The following FBXO32 variants were observed in gnomAD, a reference collection of about 807,000 sequenced individuals.
FBXO32 encodes F-box only protein 32.
FBXO32 carries 15 observed loss-of-function variants against 48.3 expected under a neutral mutation model. That is an observed-to-expected ratio of 0.31 (90% CI 0.21 to 0.48). The LOEUF (loss-of-function observed/expected upper bound fraction) is 0.48, where lower values mean the gene tolerates loss of function less well. Among genes scored for constraint, FBXO32 ranks in the 20% least tolerant of loss-of-function variants. The probability of loss-of-function intolerance (pLI) is 0.99; values close to 1 mark genes in which losing one functional copy is unlikely to be tolerated. For synonymous variants in FBXO32, 154 were observed against 165.9 expected (o/e 0.93, Z 0.55); for missense variants, 309 against 432.7 (o/e 0.71, Z 2.54).
chr8:123,513,171 G>T lies in FBXO32; in HGVS notation c.651+27C>A, dbSNP rs375536292. 34 of 1,612,924 alleles carry T rather than the reference G, an allele frequency of 2.1e-5. No individual in the cohort carries two copies. The highest frequency in any genetic ancestry group is 2.8e-5 in the Non-Finnish European group (33 of 1,179,226). ...TATCCCTGTGGAGGGACCCACTGCC[G>T]GGAGGAGGCTGGGCCTGCCCGCTTA... On this transcript the variant is annotated intron_variant, in intron 6 of 8. Transcript: ENST00000517956. The surrounding 1 kb of genome is among the most constrained non-coding windows in gnomAD (Gnocchi z 4.3).
chr8:123,539,018 T>C (rs761810881), intron 1 of FBXO32, among the ~76,000 whole-genome samples: 17 of 152,188 alleles, frequency 1.1e-4, no homozygotes, highest in Non-Finnish European at 1.8e-4. Context: ...TTTTTATTTA[T>C]TTTTAGAGAC....
rs143932537 is a variant in FBXO32 at position 123,506,255 on chromosome 8, A to G, written c.834+137T>C. 27 of 951,538 alleles carry G rather than the reference A, an allele frequency of 2.8e-5. No homozygotes were observed. The African/African-American group carries it at 3.5e-4, about 12-fold the overall frequency. The allele number at this position is 951,538 out of a possible 1,614,324, so 58.9% of individuals were successfully genotyped here. Reference sequence around the variant, plus strand: ...AAAAACAAAATCACAAAACTCCTTCAACTGTCATTTTTCAGTCAAACCAGG... The same window carrying G: ...AAAAACAAAATCACAAAACTCCTTCGACTGTCATTTTTCAGTCAAACCAGG... On this transcript the variant is annotated intron_variant, in intron 7 of 8. Transcript: ENST00000517956. This position sits in a 1 kb window ranked among gnomAD's most constrained non-coding sequence, Gnocchi z 4.0.
chr8:123,531,464 A>G (rs1459883353), intron 4 of FBXO32, among the ~76,000 whole-genome samples: 1 of 152,228 alleles, frequency 6.6e-6, no homozygotes, highest in African/African-American at 2.4e-5. Flanking sequence ...GGAGACAGTG[A>G]GAACAGTCAG....
rs1816407247 is a variant in FBXO32, at chr8:123,498,552, T to C, written c.*4821A>G. 6.6e-6 allele frequency: 1 copy of C among 152,220 alleles called. No individual in the cohort carries two copies. The highest frequency in any genetic ancestry group is 1.5e-5 in the Non-Finnish European group (1 of 68,038). The allele number at this position is 152,220 out of a possible 1,614,324, so 9.4% of individuals were successfully genotyped here. A position where few individuals can be genotyped will look rare whatever the true frequency, so the allele number is the denominator to read the frequency against. On this transcript the variant is annotated 3_prime_UTR_variant, in exon 9 of 9. Transcript: ENST00000517956. ...CATGGAATAATCCCCCTTTGCTTAG[T>C]AAAAGATGAAGTTTAGTGGAGAATG... is the stretch of plus-strand genomic sequence containing the variant.
rs1816628590 is a variant in FBXO32, at chr8:123,506,606, G to A, written c.652-32C>T. ...AGAGAAGGGTGACAATAGGTGGGGG[G>A]GCCAGAGAGCAGCGATTCACCAGGC... On this transcript the variant is annotated intron_variant, in intron 6 of 8. Coordinates refer to ENST00000517956, the MANE Select transcript of FBXO32 (RefSeq NM_058229.4). This position sits in a 1 kb window ranked among gnomAD's most constrained non-coding sequence, Gnocchi z 4.0. 1 of 1,548,136 alleles carries A rather than the reference G, an allele frequency of 6.5e-7. No individual in the cohort carries two copies. The highest frequency in any genetic ancestry group is 1.8e-5 in the Admixed American group (1 of 54,636).
intron 6 of FBXO32, among the ~76,000 whole-genome samples, chr8:123,510,472 G>A (rs1387808583): frequency 6.6e-6 from 1 of 152,140 alleles, no homozygotes; most frequent in African/African-American, 2.4e-5. Context: ...AATTAGCCGG[G>A]TGTGGTGGTG....
rs1444438556 is a variant in FBXO32, at chr8:123,540,087, G to A, written c.116+812C>T. On this transcript the variant is annotated intron_variant, in intron 1 of 8. Transcript: ENST00000517956. The surrounding 1 kb of genome is among the most constrained non-coding windows in gnomAD (Gnocchi z 6.4). ...CGCCAGACCACAGAGCTCAGGTGAG[G>A]CCTCGAATCCAGAGGCTCACCGGGG... 6.6e-6 allele frequency among the ~76,000 whole-genome samples: 1 copy of A among 152,200 alleles called. No individual in the cohort carries two copies. The highest frequency in any genetic ancestry group is 2.4e-5 in the African/African-American group (1 of 41,442).
chr8:123,521,393 T>C (rs539633654), intron 4 of FBXO32, among the ~76,000 whole-genome samples: 5 of 152,250 alleles, frequency 3.3e-5, no homozygotes, highest in Admixed American at 6.5e-5. Flanking sequence ...AGGTCAATGG[T>C]GGACCATCTG....
chr8:123,531,720 A>T (rs1184490046), intron 4 of FBXO32, among the ~76,000 whole-genome samples, 178 bp downstream of exon 4: 1 of 152,170 alleles, frequency 6.6e-6, no homozygotes, highest in Non-Finnish European at 1.5e-5. Flanking sequence ...AGTAGGACTC[A>T]CTTAAGAACT....
At chr8:123,511,319 A>G (rs1816729326) in intron 6 of FBXO32, among the ~76,000 whole-genome samples, 1 of 152,150 alleles carries the variant, frequency 6.6e-6, no homozygotes, top group Admixed American at 6.5e-5. Context: ...TACAATAGCT[A>G]GCTCCGAAGA....
chr8:123,507,105 C>G (rs1046586528), intron 6 of FBXO32, among the ~76,000 whole-genome samples: 2 of 152,196 alleles, frequency 1.3e-5, no homozygotes, highest in Non-Finnish European at 2.9e-5. Context: ...CCAGTTCAAA[C>G]CTACTTCCTC....
intron 3 of FBXO32, among the ~76,000 whole-genome samples, chr8:123,532,476 G>A (rs1817230092): frequency 6.6e-6 from 1 of 152,096 alleles, no homozygotes; most frequent in South Asian, 2.1e-4. Flanking sequence ...AAGGTTTTGG[G>A]AGGAAGCAAA....
At position 123,540,408 on chromosome 8, in the gene FBXO32, C is replaced by T. The variant is rs2130568189; in HGVS notation, c.116+491G>A. ...GTGGTTGCCCGTGCCTGGGCAGGGC[C>T]TGGAAGCGCTCCAGGCGGGACCTTC... On this transcript the variant is annotated intron_variant, in intron 1 of 8. Transcript: ENST00000517956. The surrounding 1 kb of genome is among the most constrained non-coding windows in gnomAD (Gnocchi z 6.4). 6.6e-6 allele frequency among the ~76,000 whole-genome samples: 1 copy of T among 152,350 alleles called. No individual in the cohort carries two copies. The highest frequency in any genetic ancestry group is 2.1e-4 in the South Asian group (1 of 4,830).
chr8:123,527,234 C>T (rs1449934856), intron 4 of FBXO32: 2 of 152,226 alleles, frequency 1.3e-5, no homozygotes, highest in Non-Finnish European at 2.9e-5. Flanking sequence ...ATCTATTTCC[C>T]TCACTGGCTA....
In FBXO32 at chr8:123,528,314, T is replaced by C. The variant is rs544237732; in HGVS notation, c.372+3584A>G. On this transcript the variant is annotated intron_variant, in intron 4 of 8. Coordinates refer to ENST00000517956, the MANE Select transcript of FBXO32 (RefSeq NM_058229.4). Reference sequence around the variant, plus strand: ...GATGCCCAAGACTCACTCGATCCTCTGACCTCTCTGTGGCCTGGTTAGTCA... The same window carrying C: ...GATGCCCAAGACTCACTCGATCCTCCGACCTCTCTGTGGCCTGGTTAGTCA... Among the ~76,000 whole-genome samples, 3 of 152,350 alleles carry C rather than the reference T, an allele frequency of 2.0e-5. No individual in the cohort carries two copies. In the East Asian group the frequency reaches 5.8e-4, roughly 29 times the overall value.
chr8:123,514,361 C>T lies in FBXO32; in HGVS notation c.373-28G>A, dbSNP rs768759711. 4 of 1,581,180 alleles carry T rather than the reference C, an allele frequency of 2.5e-6. No homozygotes were observed. In the South Asian group the frequency reaches 3.4e-5, roughly 13 times the overall value. On this transcript the variant is annotated intron_variant, in intron 4 of 8. Coordinates refer to ENST00000517956, the MANE Select transcript of FBXO32 (RefSeq NM_058229.4). ...GAGGATAAAAATAGAAGTTGCCAGGCTTAGAGTACAGAGATATTTTTCTCC... is the reference window on the plus strand; with the variant it reads ...GAGGATAAAAATAGAAGTTGCCAGGTTTAGAGTACAGAGATATTTTTCTCC...
chr8:123,538,578 A>T (rs894353063), intron 1 of FBXO32, among the ~76,000 whole-genome samples: 1 of 152,190 alleles, frequency 6.6e-6, no homozygotes, highest in Admixed American at 6.5e-5. Flanking sequence ...CAGAAGGCCA[A>T]CTGCTTTTAA....
intron 4 of FBXO32, among the ~76,000 whole-genome samples, chr8:123,521,224 T>C (rs1214743051): frequency 1.3e-5 from 2 of 152,256 alleles, no homozygotes; most frequent in Non-Finnish European, 1.5e-5. Context: ...TACCCCCAGC[T>C]TGGCACATGG....
intron 2 of FBXO32, among the ~76,000 whole-genome samples, 199 bp downstream of exon 2, chr8:123,534,503 A>G (rs1817273344): frequency 6.6e-6 from 1 of 152,246 alleles, no homozygotes; most frequent in Non-Finnish European, 1.5e-5. Context: ...AAACAAGACT[A>G]TAAAGAACAT....
Sources: allele counts gnomAD v4.1 joint callset (sites outside exome capture counted in the v4.1 genomes callset), GRCh38; gene constraint gnomAD v4.1.1; non-coding constraint Gnocchi (gnomAD v3.1); transcripts MANE v1.5; gene names NCBI Gene and HGNC (gene_info 2026-07-23, HGNC 2026-07-21).